Variants in WWOX observed in about 807,000 individuals in gnomAD.
The protein encoded by WWOX is WW domain containing oxidoreductase, also known as WW domain-containing oxidoreductase.
A neutral mutation model predicts 46.2 loss-of-function variants in WWOX; 69 were observed. The observed-to-expected ratio is 1.49, with a 90% CI of 1.23 to 1.82. WWOX has a LOEUF of 1.82. Among genes scored for constraint, WWOX ranks in the 40% most tolerant of loss-of-function variants. The pLI, the probability that WWOX is intolerant of heterozygous loss-of-function variation, is 0.00. For missense variants in WWOX, 919 were observed against 542.6 expected (o/e 1.69, Z -6.89); for synonymous variants, 359 against 202.6 (o/e 1.77, Z -6.56).
intron 5 of WWOX, among the ~76,000 whole-genome samples, chr16:78,250,655 G>T (rs2037959998): frequency 6.6e-6 from 1 of 152,102 alleles, no homozygotes; most frequent in Non-Finnish European, 1.5e-5. Context: ...TTATTAGGAG[G>T]TTACATATAG....
intron 5 of WWOX, among the ~76,000 whole-genome samples, chr16:78,174,060 T>C (rs548654051): frequency 6.6e-6 from 1 of 152,292 alleles, no homozygotes; most frequent in Admixed American, 6.5e-5. Flanking sequence ...TGAAAGGCCC[T>C]GTCTCCAACT....
intron 5 of WWOX, among the ~76,000 whole-genome samples, chr16:78,227,798 A>G (rs953446673): frequency 6.6e-6 from 1 of 151,714 alleles, no homozygotes; most frequent in Non-Finnish European, 1.5e-5. Context: ...AATCGCTTGA[A>G]CTCGGGAGGC....
intron 8 of WWOX, among the ~76,000 whole-genome samples, chr16:78,682,560 G>C (rs2047754825): frequency 1.3e-5 from 2 of 152,092 alleles, no homozygotes; most frequent in African/African-American, 2.4e-5. Context: ...TCCAGCCTGG[G>C]TGATAGAGCG....
intron 8 of WWOX, among the ~76,000 whole-genome samples, chr16:78,766,113 C>T (rs1238606094): frequency 6.6e-6 from 1 of 152,200 alleles, no homozygotes. Context: ...GGTGTGGTCA[C>T]ACATACCGTC....
At position 78,149,876 on chromosome 16, in the gene WWOX, CTG is replaced by C. The variant is rs1252746438; in HGVS notation, c.410-14303_410-14302del. 5.9e-5 allele frequency among the ~76,000 whole-genome samples: 9 copies of C among 152,276 alleles called. No individual in the cohort carries two copies. In the East Asian group the frequency reaches 1.7e-3, roughly 29 times the overall value. On this transcript the variant is annotated intron_variant, in intron 4 of 8. Coordinates refer to ENST00000566780, the MANE Select transcript of WWOX (RefSeq NM_016373.4). ...CTCTTAACCCTAAAGGAAGGAAACA[CTG>C]TGTCTTCCTCTTCTCTCATACAGAG...
intron 8 of WWOX, among the ~76,000 whole-genome samples, chr16:78,870,188 T>C (rs536061415): frequency 6.6e-6 from 1 of 152,212 alleles, no homozygotes; most frequent in African/African-American, 2.4e-5. Context: ...AGATCCTGGA[T>C]GGCAGGTAAT....
Position 79,211,726 on chromosome 16 carries a change from A to T in WWOX, c.1175A>T (p.Glu392Val), listed in dbSNP as rs1287638259. The change falls in exon 9 of 9, where the codon GAG becomes GTG. Residue 392 changes from glutamate (E) to valine (V), a missense_variant. Glu to Val is a moderately radical substitution (Grantham distance 121). Coordinates refer to ENST00000566780, the MANE Select transcript of WWOX (RefSeq NM_016373.4). ...CCCTCACCAGAAGCTCAGAGCGAAG[A>T]GACGGCCCGGACCCTGTGGGCGCTC... ...CMPSPEAQSE[E>V]TARTLWALSE... The T allele has an allele frequency of 3.1e-6, 5 of 1,614,226 alleles. No homozygotes were observed. The highest frequency in any genetic ancestry group is 4.2e-6 in the Non-Finnish European group (5 of 1,180,040).
intron 8 of WWOX, among the ~76,000 whole-genome samples, chr16:78,769,554 TTTATTTA>T (rs2050013546): frequency 7.1e-6 from 1 of 141,316 alleles, no homozygotes; most frequent in Non-Finnish European, 1.5e-5. Flanking sequence ...TATTTATTTA[TTTATTTA>T]TTTATTTATT....
chr16:78,638,747 C>T (rs1027617281), intron 8 of WWOX, among the ~76,000 whole-genome samples: 1 of 152,070 alleles, frequency 6.6e-6, no homozygotes, highest in African/African-American at 2.4e-5. Context: ...TCAGGGTGCT[C>T]TCTCTCTCTG....
At chr16:78,717,251 T>G (rs374153839) in intron 8 of WWOX, among the ~76,000 whole-genome samples, 50 of 152,300 alleles carry the variant, frequency 3.3e-4, no homozygotes, top group African/African-American at 1.1e-3. Context: ...CATTGCTAAA[T>G]TGGAAAACCA....
intron 8 of WWOX, among the ~76,000 whole-genome samples, chr16:78,629,348 G>A (rs8058177): frequency 1.3e-5 from 2 of 151,730 alleles, no homozygotes; most frequent in Non-Finnish European, 2.9e-5. Flanking sequence ...TTCCAAATCT[G>A]TGAGTTAGTG....
chr16:78,952,129 G>A (rs1277971116), intron 8 of WWOX, among the ~76,000 whole-genome samples: 1 of 151,966 alleles, frequency 6.6e-6, no homozygotes, highest in African/African-American at 2.4e-5. Context: ...ATTTCTCACT[G>A]TTATCATTGT....
At chr16:78,241,808 G>T (rs981241677) in intron 5 of WWOX, among the ~76,000 whole-genome samples, 1 of 152,160 alleles carries the variant, frequency 6.6e-6, no homozygotes. Flanking sequence ...CTCAGAGAGG[G>T]CGGAGTCAGA....
rs6564649 is a variant in WWOX, at chr16:79,150,045, G to A, written c.1057-61563G>A. Among the ~76,000 whole-genome samples the A allele has an allele frequency of 1.1e-4, 17 of 152,148 alleles. No individual in the cohort carries two copies. In the East Asian group the frequency reaches 2.5e-3, roughly 22 times the overall value. ...AGGAAATGCTTTTCTGGTCAAATACGTTCTTCTCTGATTAGGCCTCTCATT... is the reference window on the plus strand; with the variant it reads ...AGGAAATGCTTTTCTGGTCAAATACATTCTTCTCTGATTAGGCCTCTCATT... On this transcript the variant is annotated intron_variant, in intron 8 of 8. Transcript: ENST00000566780.
chr16:78,368,175 G>A (rs2081584886), intron 5 of WWOX, among the ~76,000 whole-genome samples: 2 of 152,172 alleles, frequency 1.3e-5, no homozygotes, highest in Non-Finnish European at 2.9e-5. Flanking sequence ...GTAGAATAAG[G>A]CCATGTCTGT....
At chr16:78,755,871 G>A (rs551471904) in intron 8 of WWOX, among the ~76,000 whole-genome samples, 1 of 152,298 alleles carries the variant, frequency 6.6e-6, no homozygotes, top group South Asian at 2.1e-4. Context: ...CTATGCACCA[G>A]TCATATCAAG....
At chr16:78,757,298 C>G (rs2049675193) in intron 8 of WWOX, among the ~76,000 whole-genome samples, 1 of 151,490 alleles carries the variant, frequency 6.6e-6, no homozygotes, top group South Asian at 2.1e-4. Flanking sequence ...GGTAAGAAAA[C>G]CAGTTAATTG....
chr16:78,657,094 G>A (rs1209665944), intron 8 of WWOX, among the ~76,000 whole-genome samples: 2 of 152,090 alleles, frequency 1.3e-5, no homozygotes, highest in Non-Finnish European at 2.9e-5. Flanking sequence ...TCATGCAATT[G>A]CGCAATTCAC....
intron 5 of WWOX, among the ~76,000 whole-genome samples, chr16:78,297,450 C>CA (rs1314988076): frequency 2.0e-4 from 31 of 152,076 alleles, no homozygotes; most frequent in African/African-American, 7.5e-4. Context: ...TTTGTAGAAC[C>CA]ATATTAAGTA....
Sources: allele counts gnomAD v4.1 joint callset (sites outside exome capture counted in the v4.1 genomes callset), GRCh38; gene constraint gnomAD v4.1.1; transcripts MANE v1.5; gene names NCBI Gene and HGNC (gene_info 2026-07-23, HGNC 2026-07-21).